Variants in KIAA1217 observed in about 807,000 individuals in gnomAD.
KIAA1217 encodes KIAA1217.
Under a neutral mutation model 163.9 loss-of-function variants are expected in KIAA1217, and 88 were observed. The ratio of observed to expected loss-of-function variants is 0.54; its 90% CI spans 0.45 to 0.64. The LOEUF (loss-of-function observed/expected upper bound fraction) is 0.64. Ranked by LOEUF, KIAA1217 falls within the 30% of genes least tolerant of loss-of-function variation. KIAA1217 has a pLI of 0.00. For missense variants in KIAA1217, 2,372 were observed against 2,475.0 expected (o/e 0.96, Z 0.88); for synonymous variants, 903 against 923.1 (o/e 0.98, Z 0.39).
At chr10:23,739,813 C>T (rs1839007906) in intron 1 of KIAA1217, among the ~76,000 whole-genome samples, 1 of 152,126 alleles carries the variant, frequency 6.6e-6, no homozygotes, top group Non-Finnish European at 1.5e-5. Flanking sequence ...GACATGCTGG[C>T]AATTACAGCA....
At chr10:23,860,873 CCTCT>C (rs913731830) in intron 1 of KIAA1217, among the ~76,000 whole-genome samples, 13 of 149,642 alleles carry the variant, frequency 8.7e-5, no homozygotes, top group South Asian at 2.1e-4. Context: ...CATCTTTTCT[CCTCT>C]CTTTTTCTTT....
At chr10:24,175,465 G>GT (rs963262504) in intron 2 of KIAA1217, among the ~76,000 whole-genome samples, 1 of 151,084 alleles carries the variant, frequency 6.6e-6, no homozygotes, top group East Asian at 1.9e-4. Context: ...GTGTGTGTGT[G>GT]TTTATTGTTT....
At chr10:24,236,308 A>G (rs910339317) in intron 2 of KIAA1217, among the ~76,000 whole-genome samples, 1 of 151,410 alleles carries the variant, frequency 6.6e-6, no homozygotes, top group African/African-American at 2.4e-5. Flanking sequence ...CTGGAGTGCA[A>G]TGGGCAGTCT....
intron 2 of KIAA1217, among the ~76,000 whole-genome samples, chr10:24,323,896 A>G (rs1590964639): frequency 1.3e-5 from 2 of 151,340 alleles, no homozygotes; most frequent in Admixed American, 1.3e-4. Flanking sequence ...AATGTATCCT[A>G]GTTAATTAAT....
intron 2 of KIAA1217, among the ~76,000 whole-genome samples, chr10:24,325,155 G>C (rs186823761): frequency 6.6e-6 from 1 of 152,306 alleles, no homozygotes; most frequent in Non-Finnish European, 1.5e-5. Flanking sequence ...TTTCTGACTT[G>C]TCTTCATTCC....
At chr10:23,802,039 C>A (rs936983692) in intron 1 of KIAA1217, among the ~76,000 whole-genome samples, 1 of 152,132 alleles carries the variant, frequency 6.6e-6, no homozygotes, top group Admixed American at 6.6e-5. Flanking sequence ...TCATTCAGGA[C>A]CTTCTTGGAA....
chr10:24,503,755 C>G (rs1347731060), intron 9 of KIAA1217, among the ~76,000 whole-genome samples: 1 of 152,224 alleles, frequency 6.6e-6, no homozygotes, highest in African/African-American at 2.4e-5. Flanking sequence ...GGGGGCCTAT[C>G]GGCTCCCAAG....
rs140926987 is a variant in KIAA1217 at position 23,777,356 on chromosome 10, A to G, written c.-321+82122A>G. The stretch of plus-strand genomic sequence containing the variant: ...TCCAGTTTAAAAGAGTATATTTAAC[A>G]TTCCATCTTAGACAATGCAAAAGTC... On this transcript the variant is annotated intron_variant, in intron 1 of 18. Transcript: ENST00000376462. Among the ~76,000 whole-genome samples, 1,108 of 152,332 alleles carry G rather than the reference A, an allele frequency of 7.3e-3. 20 individuals are homozygous for G. Among genetic ancestry groups the G allele is most frequent in the African/African-American group, 0.025 (1,022 of 41,564 alleles).
chr10:24,080,073 T>C (rs1487971272), intron 2 of KIAA1217, among the ~76,000 whole-genome samples: 1 of 152,258 alleles, frequency 6.6e-6, no homozygotes, highest in African/African-American at 2.4e-5. Context: ...CTGTGTCCTG[T>C]GGGCAGTGCC....
At chr10:24,018,732 A>G (rs987516018) in intron 2 of KIAA1217, among the ~76,000 whole-genome samples, 2 of 152,076 alleles carry the variant, frequency 1.3e-5, no homozygotes, top group Non-Finnish European at 2.9e-5. Flanking sequence ...AATGGAATCA[A>G]TATGTCAAAG....
In KIAA1217 at chr10:24,127,397, T is replaced by C. The variant is rs34958425; in HGVS notation, c.-170-92229T>C. Among the ~76,000 whole-genome samples, 1,225 of 152,268 alleles carry C rather than the reference T, an allele frequency of 8.0e-3. 9 individuals carry two copies. Among genetic ancestry groups the C allele is most frequent in the Non-Finnish European group, 0.012 (807 of 68,016 alleles). On this transcript the variant is annotated intron_variant, in intron 2 of 18. Transcript: ENST00000376462. ...AGAAACAGAGTATTTTCTGAAATCG[T>C]GCAAATGTCTTTTGCTTTTCCTTAT...
At position 24,438,439 on chromosome 10, in the gene KIAA1217, C is replaced by G; in HGVS notation, c.806C>G (p.Ala269Gly). Residue 269 changes from alanine (A) to glycine (G), a missense_variant, in exon 5 of 21, where the codon GCG (alanine) becomes GGG (glycine). Physicochemically the swap from Ala to Gly is moderately conservative, Grantham distance 60. Around this residue, in one of 3 missense-constraint regions of KIAA1217, gnomAD observed 1,431 missense variants for 1,470.3 expected, o/e 0.97. Transcript: ENST00000376454. ...LKVYNKDPAHAFNHTPKTMNG... is the reference protein window; with the variant it reads ...LKVYNKDPAHGFNHTPKTMNG... The stretch of plus-strand genomic sequence containing the variant: ...GTGTACAACAAGGATCCTGCACATG[C>G]GTTTAATCACACACCAAAAACTATG... 1.2e-6 allele frequency: 2 copies of G among 1,613,134 alleles called. No individual in the cohort carries two copies. The highest frequency in any genetic ancestry group is 1.1e-5 in the South Asian group (1 of 91,060).
At chr10:24,204,771 A>T (rs750304351), upstream of KIAA1217, among the ~76,000 whole-genome samples, 6 of 152,196 alleles carry the variant, frequency 3.9e-5, no homozygotes, top group Non-Finnish European at 8.8e-5. Context: ...GAGAGCCCAC[A>T]TTTCACATGC....
At chr10:24,413,839 A>T (rs1013361643) in intron 3 of KIAA1217, among the ~76,000 whole-genome samples, 4 of 151,810 alleles carry the variant, frequency 2.6e-5, no homozygotes, top group Admixed American at 1.3e-4. Flanking sequence ...CTTCCACCCC[A>T]CTGCTCTCTA....
At chr10:24,331,044 AG>A (rs139159827) in intron 2 of KIAA1217, among the ~76,000 whole-genome samples, 4,482 of 152,090 alleles carry the variant, frequency 0.029, 224 homozygotes, top group African/African-American at 0.1. Context: ...TCTGAACCCA[AG>A]TAATCCTCCC....
chr10:24,433,762 G>T (rs973738516), intron 4 of KIAA1217, among the ~76,000 whole-genome samples: 1 of 151,490 alleles, frequency 6.6e-6, no homozygotes, highest in Non-Finnish European at 1.5e-5. Context: ...CCACTGGGTC[G>T]TTATTTACAC....
chr10:24,120,448 T>C (rs574859870), intron 2 of KIAA1217, among the ~76,000 whole-genome samples: 1 of 152,336 alleles, frequency 6.6e-6, no homozygotes, highest in Admixed American at 6.5e-5. Flanking sequence ...ACTTGCTTTC[T>C]GGTGTAGCTA....
intron 2 of KIAA1217, among the ~76,000 whole-genome samples, chr10:24,224,652 C>T (rs2070199418): frequency 6.6e-6 from 1 of 151,804 alleles, no homozygotes; most frequent in Non-Finnish European, 1.5e-5. Context: ...TTTCAGTTTC[C>T]TCGTTTGTCA....
At chr10:23,853,543 A>G (rs567046125) in intron 1 of KIAA1217, among the ~76,000 whole-genome samples, 3 of 152,258 alleles carry the variant, frequency 2.0e-5, no homozygotes, top group Admixed American at 6.5e-5. Flanking sequence ...TGAGTTAGGG[A>G]GTATTCCCTC....
Sources: allele counts gnomAD v4.1 joint callset (sites outside exome capture counted in the v4.1 genomes callset), GRCh38; gene constraint gnomAD v4.1.1; regional missense constraint gnomAD v4.1.1; transcripts MANE v1.5; gene names NCBI Gene and HGNC (gene_info 2026-07-23, HGNC 2026-07-21).